Variants in PUDP observed in about 807,000 individuals in gnomAD.
PUDP encodes pseudouridine 5'-phosphatase.
Under a neutral mutation model 9.4 loss-of-function variants are expected in PUDP, and 8 were observed. The ratio of observed to expected loss-of-function variants is 0.85; its 90% CI spans 0.50 to 1.53. The LOEUF (loss-of-function observed/expected upper bound fraction) is 1.53, where lower values mean the gene tolerates loss of function less well. Ranked by LOEUF, PUDP falls within the 40% of genes most tolerant of loss-of-function variation. The probability of loss-of-function intolerance (pLI) is 0.00; values close to 1 mark genes in which losing one functional copy is unlikely to be tolerated. For missense variants in PUDP, 188 were observed against 189.7 expected (o/e 0.99, Z 0.05); for synonymous variants, 99 against 80.7 (o/e 1.23, Z -1.22).
At chrX:6,852,525 A>C (rs913802998) in intron 3 of PUDP, among the ~76,000 whole-genome samples, 2 of 111,743 alleles carry the variant, frequency 1.8e-5, no homozygotes, top group African/African-American at 6.5e-5. Flanking sequence ...TAGCTTAAAA[A>C]AGTGCTTAAG....
chrX:7,114,611 C>G (rs1365468040), intron 1 of PUDP, among the ~76,000 whole-genome samples: 3 of 111,315 alleles, frequency 2.7e-5, no homozygotes, highest in African/African-American at 9.8e-5. Context: ...GGCCCTACCC[C>G]AGATCTACAG....
In PUDP at chrX:6,789,812, T is replaced by TAGAG. The variant is rs1371301057; in HGVS notation, c.*248-83347_*248-83346insCTCT. Among the ~76,000 whole-genome samples, 4 of 107,512 alleles carry TAGAG rather than the reference T, an allele frequency of 3.7e-5. No individual in the cohort carries two copies. In the Admixed American group the frequency reaches 4.1e-4, roughly 11 times the overall value. The allele number at this position is 107,512 out of a possible 115,157, so 93.4% of individuals were successfully genotyped here. Reference sequence around the variant, plus strand: ...AGATAGATAGATAAGTAGATAGATATAGATAGAGAAGATAGATCATAGAGA... The same window carrying TAGAG: ...AGATAGATAGATAAGTAGATAGATATAGAGAGATAGAGAAGATAGATCATAGAGA... On this transcript the variant is annotated intron_variant and NMD_transcript_variant, in intron 3 of 3. Coordinates refer to the PUDP transcript ENST00000655425.
At chrX:6,795,065 TA>T (rs200336104) in intron 3 of PUDP, among the ~76,000 whole-genome samples, 1 of 108,142 alleles carries the variant, frequency 9.2e-6, no homozygotes, top group African/African-American at 3.4e-5. Context: ...TTTTAAACTT[TA>T]AAAAAAAACC....
chrX:6,896,752 C>G (rs1927598321), intron 3 of PUDP, among the ~76,000 whole-genome samples: 1 of 111,212 alleles, frequency 9.0e-6, no homozygotes, highest in Non-Finnish European at 1.9e-5. Flanking sequence ...TTAATGTGAC[C>G]CTGGTACATG....
At chrX:7,003,839 T>C (rs973024562) in intron 1 of PUDP, among the ~76,000 whole-genome samples, 1 of 111,694 alleles carries the variant, frequency 9.0e-6, no homozygotes, top group African/African-American at 3.3e-5. Flanking sequence ...GGCAAATTAC[T>C]GGTGACATTT....
chrX:6,743,948 T>C (rs113368753), intron 3 of PUDP, among the ~76,000 whole-genome samples: 5,501 of 111,786 alleles, frequency 0.049, 150 homozygotes, highest in African/African-American at 0.075. Context: ...GACCACAGTG[T>C]CTTCATGATG....
In PUDP at chrX:6,814,433, A is replaced by C. The variant is rs777412466; in HGVS notation, c.*248-107967T>G. On this transcript the variant is annotated intron_variant and NMD_transcript_variant, in intron 3 of 3. Transcript: ENST00000655425. ...TGCCACCAAATATTATCAGATATTGAGATGAGGTACAGTGAGTTAGGAGGG... is the reference window on the plus strand; with the variant it reads ...TGCCACCAAATATTATCAGATATTGCGATGAGGTACAGTGAGTTAGGAGGG... Among the ~76,000 whole-genome samples, 11 of 110,999 alleles carry C rather than the reference A, an allele frequency of 9.9e-5. No individual in the cohort carries two copies. The East Asian group carries it at 3.1e-3, about 32-fold the overall frequency.
intron 3 of PUDP, among the ~76,000 whole-genome samples, chrX:6,818,109 T>C (rs1290478657): frequency 9.0e-6 from 1 of 111,511 alleles, no homozygotes; most frequent in East Asian, 2.8e-4. Context: ...GAAAGCTTTG[T>C]TCTCCAAAAT....
intron 3 of PUDP, among the ~76,000 whole-genome samples, chrX:6,759,770 C>T (rs1448333597): frequency 4.5e-5 from 5 of 111,898 alleles, no homozygotes; most frequent in Admixed American, 1.9e-4. Context: ...GAATATGCAA[C>T]ATACTCTCAT....
In PUDP at chrX:6,718,043, AT is replaced by A. The variant is rs766425461; in HGVS notation, n.128+3373del. On this transcript the variant is annotated intron_variant and non_coding_transcript_variant, in intron 1 of 2. Transcript: ENST00000438499. ...TTTCATGTCTTCTGTCTACTTTTTA[AT>A]TTTTTTTTTCTTGTTGAGTTATTTG... Among the ~76,000 whole-genome samples, 121 of 105,243 alleles carry A rather than the reference AT, an allele frequency of 1.1e-3. 1 individual carries two copies. Among genetic ancestry groups the A allele is most frequent in the African/African-American group, 3.7e-3 (107 of 29,018 alleles). The allele number at this position is 105,243 out of a possible 115,157, so 91.4% of individuals were successfully genotyped here. A position where few individuals can be genotyped will look rare whatever the true frequency, so the allele number is the denominator to read the frequency against.
At chrX:7,110,609 T>C (rs1440142297) in intron 1 of PUDP, among the ~76,000 whole-genome samples, 25 of 112,168 alleles carry the variant, frequency 2.2e-4, no homozygotes. Flanking sequence ...ACAGGCTTTG[T>C]GTGAGCAATA....
At chrX:6,748,805 T>C (rs1395616969) in intron 3 of PUDP, among the ~76,000 whole-genome samples, 1 of 112,003 alleles carries the variant, frequency 8.9e-6, no homozygotes, top group Non-Finnish European at 1.9e-5. Flanking sequence ...TGACAGTAGG[T>C]GTGGACAAAT....
chrX:6,862,936 C>T (rs1413387036), intron 3 of PUDP, among the ~76,000 whole-genome samples: 1 of 111,673 alleles, frequency 9.0e-6, no homozygotes. Context: ...TAAATTTTCC[C>T]GTAACCTCAT....
intron 3 of PUDP, among the ~76,000 whole-genome samples, chrX:6,808,110 C>G (rs1926082089): frequency 9.0e-6 from 1 of 111,034 alleles, no homozygotes; most frequent in Non-Finnish European, 1.9e-5. Context: ...TCCAACATAG[C>G]CATTGTTTAT....
intron 3 of PUDP, among the ~76,000 whole-genome samples, chrX:6,970,756 T>C (rs866141616): frequency 9.0e-6 from 1 of 111,499 alleles, no homozygotes; most frequent in Non-Finnish European, 1.9e-5. Flanking sequence ...GCCTGTATGA[T>C]GGATAAGGTC....
At chrX:7,092,316 T>C (rs1602773521) in intron 2 of PUDP, among the ~76,000 whole-genome samples, 1 of 113,198 alleles carries the variant, frequency 8.8e-6, no homozygotes, top group Non-Finnish European at 1.9e-5. Context: ...AATGGATTCA[T>C]TTTGCCTTAT....
At chrX:6,857,318 C>T (rs1926921765) in intron 3 of PUDP, among the ~76,000 whole-genome samples, 1 of 113,047 alleles carries the variant, frequency 8.8e-6, no homozygotes, top group South Asian at 3.6e-4. Flanking sequence ...GAGGAGCACA[C>T]AAGGGGTTGA....
intron 2 of PUDP, chrX:6,706,268 C>T (rs1395725088): frequency 1.8e-5 from 2 of 111,859 alleles, no homozygotes; most frequent in South Asian, 3.8e-4. Context: ...ATGGGAGTAC[C>T]AATTGCACAA....
intron 1 of PUDP, among the ~76,000 whole-genome samples, chrX:7,136,559 A>C (rs1461910064): frequency 1.8e-5 from 2 of 112,226 alleles, no homozygotes; most frequent in Non-Finnish European, 3.8e-5. Context: ...TCTTCTGTAA[A>C]AGAGCTCACC....
Sources: allele counts gnomAD v4.1 joint callset (sites outside exome capture counted in the v4.1 genomes callset), GRCh38; gene constraint gnomAD v4.1.1; transcripts MANE v1.5; gene names NCBI Gene and HGNC (gene_info 2026-07-23, HGNC 2026-07-21).